The following VGLL4 variants were observed in gnomAD, a reference collection of about 807,000 sequenced individuals.
VGLL4 encodes the protein transcription cofactor vestigial-like protein 4.
VGLL4 carries 7 observed loss-of-function variants against 21.0 expected under a neutral mutation model. The ratio of observed to expected loss-of-function variants is 0.33; its 90% CI spans 0.19 to 0.63. The LOEUF (loss-of-function observed/expected upper bound fraction) is 0.63. Ranked by LOEUF, VGLL4 falls within the 20% of genes least tolerant of loss-of-function variation. The probability of loss-of-function intolerance (pLI) is 0.78; values close to 1 mark genes in which losing one functional copy is unlikely to be tolerated. For synonymous variants in VGLL4, 222 were observed against 173.2 expected (o/e 1.28, Z -2.21); for missense variants, 394 against 425.7 (o/e 0.93, Z 0.66).
At chr3:11,646,553 G>C (rs536849925), upstream of VGLL4, among the ~76,000 whole-genome samples, 1 of 148,918 alleles carries the variant, frequency 6.7e-6, no homozygotes, top group East Asian at 1.9e-4. Context: ...TTCATCTAGG[G>C]AGGAAAAAAA....
At chr3:11,682,240 C>T (rs1193262133) in intron 2 of VGLL4, among the ~76,000 whole-genome samples, 1 of 151,974 alleles carries the variant, frequency 6.6e-6, no homozygotes, top group African/African-American at 2.4e-5. Flanking sequence ...CCCATCTCTA[C>T]TACAAATACA....
In VGLL4 at chr3:11,619,197, G is replaced by T. The variant is rs111867573; in HGVS notation, c.83-17175C>A. On this transcript the variant is annotated intron_variant, in intron 1 of 4. Transcript: ENST00000430365. ...ACTTCAAAGGTACAGCTGAGCTCGG[G>T]TGAGCTGACAGCAAGCGATCAGGGA... Among the ~76,000 whole-genome samples, 91 of 152,346 alleles carry T rather than the reference G, an allele frequency of 6.0e-4. No homozygotes were observed. In the Middle Eastern group the frequency reaches 0.01, roughly 17 times the overall value.
chr3:11,571,051 C>G (rs1352866569), intron 2 of VGLL4, among the ~76,000 whole-genome samples: 1 of 152,128 alleles, frequency 6.6e-6, no homozygotes, highest in Admixed American at 6.5e-5. Context: ...GCCGAGGTGG[C>G]GGAGGCTGAG....
chr3:11,642,813 G>C (rs1421665296), intron 1 of VGLL4, among the ~76,000 whole-genome samples: 1 of 152,164 alleles, frequency 6.6e-6, no homozygotes, highest in East Asian at 1.9e-4. Flanking sequence ...CGCTCCCACA[G>C]GGAGCGGAGC....
At chr3:11,709,469 A>G (rs1031953593) in intron 1 of VGLL4, among the ~76,000 whole-genome samples, 2 of 151,384 alleles carry the variant, frequency 1.3e-5, no homozygotes, top group Non-Finnish European at 2.9e-5. Flanking sequence ...AACAGATACA[A>G]AGTACACTGT....
chr3:11,671,015 C>T (rs907907734), intron 2 of VGLL4, among the ~76,000 whole-genome samples: 11 of 152,156 alleles, frequency 7.2e-5, no homozygotes, highest in African/African-American at 1.4e-4. Context: ...CCAGCCTGGA[C>T]GACAGAGATT....
At chr3:11,587,622 G>A (rs958525928) in intron 2 of VGLL4, among the ~76,000 whole-genome samples, 1 of 152,188 alleles carries the variant, frequency 6.6e-6, no homozygotes, top group Non-Finnish European at 1.5e-5. Flanking sequence ...TACTTGGGCC[G>A]AGATGTGTTT....
chr3:11,570,520 T>C (rs1448231286), intron 2 of VGLL4, among the ~76,000 whole-genome samples: 1 of 152,148 alleles, frequency 6.6e-6, no homozygotes, highest in Non-Finnish European at 1.5e-5. Flanking sequence ...CCTAATCTCC[T>C]TGGCTCCGCA....
intron 2 of VGLL4, among the ~76,000 whole-genome samples, chr3:11,685,829 G>A (rs968356849): frequency 9.2e-5 from 14 of 152,156 alleles, no homozygotes; most frequent in Admixed American, 8.5e-4. Flanking sequence ...TCTAGCTTGG[G>A]TGACAGAGCG....
At chr3:11,659,130 G>A (rs1201560321) in intron 2 of VGLL4, among the ~76,000 whole-genome samples, 1 of 152,060 alleles carries the variant, frequency 6.6e-6, no homozygotes, top group Admixed American at 6.6e-5. Flanking sequence ...CATGAATAGA[G>A]TGCCACGTTA....
intron 2 of VGLL4, among the ~76,000 whole-genome samples, chr3:11,569,122 G>A (rs570583757): frequency 6.6e-6 from 1 of 152,308 alleles, no homozygotes; most frequent in South Asian, 2.1e-4. Flanking sequence ...AATCCATCAC[G>A]TGAAAGAAGT....
At chr3:11,570,005 C>A (rs541680929) in intron 2 of VGLL4, among the ~76,000 whole-genome samples, 31 of 152,312 alleles carry the variant, frequency 2.0e-4, no homozygotes, top group African/African-American at 7.0e-4. Flanking sequence ...TGCTAATTTA[C>A]TACAGCTTTT....
At chr3:11,656,858 C>A (rs1013512693) in intron 2 of VGLL4, among the ~76,000 whole-genome samples, 1 of 152,140 alleles carries the variant, frequency 6.6e-6, no homozygotes, top group Admixed American at 6.5e-5. Flanking sequence ...CAACGAAGCA[C>A]GGCCCTGGTC....
intron 1 of VGLL4, among the ~76,000 whole-genome samples, chr3:11,608,027 T>TACACCA (rs2074983811): frequency 6.6e-6 from 1 of 152,198 alleles, no homozygotes; most frequent in Non-Finnish European, 1.5e-5. Flanking sequence ...CAAAAGCACA[T>TACACCA]ACACCAAAAG....
intron 1 of VGLL4, among the ~76,000 whole-genome samples, chr3:11,618,272 A>G (rs2075202855): frequency 6.6e-6 from 1 of 152,198 alleles, no homozygotes; most frequent in Non-Finnish European, 1.5e-5. Context: ...TTTTACAGAT[A>G]AATTTTACTC....
intron 1 of VGLL4, among the ~76,000 whole-genome samples, chr3:11,703,824 CT>C (rs2076718208): frequency 6.6e-6 from 1 of 152,242 alleles, no homozygotes; most frequent in Non-Finnish European, 1.5e-5. Context: ...AACTGTACCA[CT>C]TTACAGACAC....
intron 2 of VGLL4, chr3:11,702,961 C>T (rs767675727): frequency 1.9e-6 from 3 of 1,609,362 alleles, no homozygotes; most frequent in Admixed American, 1.7e-5. Flanking sequence ...ATAATAGACT[C>T]CTCACTTACG....
intron 1 of VGLL4, among the ~76,000 whole-genome samples, chr3:11,704,579 T>C (rs1338028696): frequency 6.6e-6 from 1 of 151,608 alleles, no homozygotes; most frequent in Non-Finnish European, 1.5e-5. Flanking sequence ...AGACATCTAG[T>C]TTAAGGCAGC....
At chr3:11,630,507 G>A (rs1243977828) in intron 1 of VGLL4, among the ~76,000 whole-genome samples, 3 of 152,118 alleles carry the variant, frequency 2.0e-5, no homozygotes, top group South Asian at 2.1e-4. Flanking sequence ...TTAGATGGGC[G>A]TGGTGGCGGG....
Sources: allele counts gnomAD v4.1 joint callset (sites outside exome capture counted in the v4.1 genomes callset), GRCh38; gene constraint gnomAD v4.1.1; transcripts MANE v1.5; gene names NCBI Gene and HGNC (gene_info 2026-07-23, HGNC 2026-07-21).